Variants in TBC1D5 observed in about 807,000 individuals in gnomAD.
The protein encoded by TBC1D5 is TBC1 domain family member 5.
A neutral mutation model predicts 100.3 loss-of-function variants in TBC1D5; 75 were observed. The ratio of observed to expected loss-of-function variants is 0.75; its 90% CI spans 0.62 to 0.91. The LOEUF (loss-of-function observed/expected upper bound fraction) is 0.91. TBC1D5 is among the 40% of genes least tolerant of loss of function. The pLI is 0.00. For synonymous variants in TBC1D5, 323 were observed against 325.6 expected (o/e 0.99, Z 0.09); for missense variants, 910 against 942.4 (o/e 0.97, Z 0.45).
chr3:17,177,685 T>C (rs1470726025), intron 19 of TBC1D5, among the ~76,000 whole-genome samples: 2 of 152,204 alleles, frequency 1.3e-5, no homozygotes. Flanking sequence ...GAAGTTCAGG[T>C]CCCACCATCA....
At chr3:17,657,412 T>C (rs2066195799) in intron 1 of TBC1D5, among the ~76,000 whole-genome samples, 1 of 149,018 alleles carries the variant, frequency 6.7e-6, no homozygotes, top group South Asian at 2.1e-4. Flanking sequence ...CTCGGCTCAC[T>C]GCAACCTCCA....
chr3:17,654,613 A>G (rs2065886450), intron 1 of TBC1D5, among the ~76,000 whole-genome samples: 1 of 152,166 alleles, frequency 6.6e-6, no homozygotes. Context: ...ATATTGATCT[A>G]AAATTGTCTT....
chr3:17,657,027 T>C (rs2066136555), intron 1 of TBC1D5, among the ~76,000 whole-genome samples: 1 of 152,084 alleles, frequency 6.6e-6, no homozygotes, highest in Non-Finnish European at 1.5e-5. Context: ...AAACTGGAGA[T>C]TGATAGAAAC....
At chr3:17,430,568 T>C (rs773692433) in intron 3 of TBC1D5, among the ~76,000 whole-genome samples, 9 of 151,820 alleles carry the variant, frequency 5.9e-5, no homozygotes, top group African/African-American at 9.7e-5. Context: ...AGGAGTACAA[T>C]TGTTTCACTA....
chr3:17,677,497 C>CAAT (rs1197753684), intron 1 of TBC1D5, among the ~76,000 whole-genome samples: 1 of 152,134 alleles, frequency 6.6e-6, no homozygotes, highest in Non-Finnish European at 1.5e-5. Flanking sequence ...AGTCAGGAAA[C>CAAT]AGGTGCTGGA....
chr3:17,459,559 G>A (rs1303997706), intron 3 of TBC1D5, among the ~76,000 whole-genome samples: 2 of 152,088 alleles, frequency 1.3e-5, no homozygotes, highest in Non-Finnish European at 2.9e-5. Flanking sequence ...AATAAATATT[G>A]CACCATTACA....
chr3:17,353,330 TAC>T (rs926086833), intron 13 of TBC1D5, among the ~76,000 whole-genome samples: 1 of 152,132 alleles, frequency 6.6e-6, no homozygotes, highest in African/African-American at 2.4e-5. Flanking sequence ...AACCTATTTC[TAC>T]AGCAAGAGTA....
At chr3:17,455,348 GTAT>G (rs1559923752) in intron 3 of TBC1D5, among the ~76,000 whole-genome samples, 50 of 129,128 alleles carry the variant, frequency 3.9e-4, no homozygotes, top group African/African-American at 1.7e-3. Context: ...ATGTATATAT[GTAT>G]ATGTATATGT....
chr3:17,464,314 C>A (rs2095266582), intron 3 of TBC1D5, among the ~76,000 whole-genome samples: 1 of 152,104 alleles, frequency 6.6e-6, no homozygotes, highest in Non-Finnish European at 1.5e-5. Flanking sequence ...AATTACTCCA[C>A]CTCAAACCAA....
intron 1 of TBC1D5, among the ~76,000 whole-genome samples, chr3:17,690,694 T>C (rs2071019802): frequency 2.0e-5 from 3 of 152,176 alleles, no homozygotes; most frequent in Admixed American, 1.3e-4. Flanking sequence ...TTTTGTGAAC[T>C]GTACATGTGA....
intron 8 of TBC1D5, among the ~76,000 whole-genome samples, chr3:17,395,077 A>G (rs1250849957): frequency 2.0e-5 from 3 of 152,098 alleles, no homozygotes; most frequent in African/African-American, 7.2e-5. Flanking sequence ...TGAGAAGATT[A>G]AGCAAAAACA....
intron 2 of TBC1D5, among the ~76,000 whole-genome samples, chr3:17,525,526 A>AT (rs2096122822): frequency 6.6e-6 from 1 of 152,218 alleles, no homozygotes; most frequent in Admixed American, 6.5e-5. Flanking sequence ...ATACAATTCC[A>AT]TTCTTTTGGC....
Position 17,662,582 on chromosome 3 carries a change from G to A in TBC1D5, c.-100-38669C>T, listed in dbSNP as rs573424031. On this transcript the variant is annotated intron_variant, in intron 1 of 21. Transcript: ENST00000253692. ...TGAAGGCTGAATTCCACTTGAAAATGTCTGCTGACCTAAGAAAGTGCTTTG... is the reference window on the plus strand; with the variant it reads ...TGAAGGCTGAATTCCACTTGAAAATATCTGCTGACCTAAGAAAGTGCTTTG... 2.6e-5 allele frequency among the ~76,000 whole-genome samples: 4 copies of A among 152,280 alleles called. No homozygotes were observed. The South Asian group carries it at 8.3e-4, about 32-fold the overall frequency.
intron 2 of TBC1D5, chr3:17,575,314 A>G (rs1298493289): frequency 1.1e-5 from 1 of 89,736 alleles, no homozygotes; most frequent in Non-Finnish European, 2.3e-5. Context: ...ATATTGCCTC[A>G]AAAAAAAAAA....
rs1306206544 is a variant in TBC1D5, at chr3:17,681,948, C to CACCTT, written c.-101+57394_-101+57395insAAGGT. Among the ~76,000 whole-genome samples the CACCTT allele has an allele frequency of 2.6e-5, 4 of 151,550 alleles. 1 individual carries two copies. Among genetic ancestry groups the CACCTT allele is most frequent in the African/African-American group, 9.8e-5 (4 of 40,834 alleles). ...AATGCAAACCCTACCGTGAACTGCGCATGCAAGGGAGCTAGGTTGCCTGCA... is the reference window on the plus strand; with the variant it reads ...AATGCAAACCCTACCGTGAACTGCGCACCTTATGCAAGGGAGCTAGGTTGCCTGCA... On this transcript the variant is annotated intron_variant, in intron 1 of 21. Transcript: ENST00000253692.
chr3:17,614,103 T>C (rs566528951), intron 2 of TBC1D5, among the ~76,000 whole-genome samples: 15 of 152,228 alleles, frequency 9.9e-5, no homozygotes, highest in Non-Finnish European at 1.2e-4. Context: ...TTTACACATA[T>C]GGCTAGCCAG....
At position 17,579,230 on chromosome 3, in the gene TBC1D5, C is replaced by A. The variant is rs141681259; in HGVS notation, c.-36+44619G>T. On this transcript the variant is annotated intron_variant, in intron 2 of 21. Transcript: ENST00000253692. ...CTACAAACTAGTACAAACCCAAATA[C>A]TCCTGAAGTGGGTGTAACCTGAAGT... 2.9e-3 allele frequency among the ~76,000 whole-genome samples: 443 copies of A among 152,090 alleles called. 8 individuals carry two copies. Among genetic ancestry groups the A allele is most frequent in the Non-Finnish European group, 9.4e-4 (64 of 67,938 alleles).
intron 3 of TBC1D5, among the ~76,000 whole-genome samples, chr3:17,434,092 C>A (rs1214834616): frequency 1.3e-5 from 2 of 152,208 alleles, no homozygotes; most frequent in African/African-American, 2.4e-5. Flanking sequence ...TCACAGCTGG[C>A]GTTGAGTGTC....
At chr3:17,254,621 G>T (rs1349021208) in intron 16 of TBC1D5, among the ~76,000 whole-genome samples, 2 of 152,010 alleles carry the variant, frequency 1.3e-5, no homozygotes, top group Non-Finnish European at 2.9e-5. Flanking sequence ...CCAAGTATGT[G>T]ACTTGCCTGT....
Sources: gnomAD v4.1 joint callset for allele counts (sites outside exome capture counted in the v4.1 genomes callset) on GRCh38, gnomAD v4.1.1 for gene constraint, MANE v1.5 for transcripts, NCBI Gene and HGNC (gene_info 2026-07-23, HGNC 2026-07-21) for gene names.